Variants in ADAP1 observed in about 807,000 individuals in gnomAD.
ADAP1 encodes ArfGAP with dual PH domains 1, also known as arf-GAP with dual PH domain-containing protein 1.
In ADAP1, 31 loss-of-function variants were observed where a neutral mutation model predicts 54.9. The ratio of observed to expected loss-of-function variants is 0.56; its 90% CI spans 0.42 to 0.76. ADAP1 has a LOEUF of 0.76. ADAP1 is among the 30% of genes least tolerant of loss of function. ADAP1 has a pLI of 0.00. For synonymous variants in ADAP1, 313 were observed against 202.6 expected, an observed-to-expected ratio of 1.55 and a Z score of -4.63; for missense variants, 535 against 512.4, an observed-to-expected ratio of 1.04 and a Z score of -0.42.
At chr7:916,269 G>A (rs992431681) in intron 4 of ADAP1, among the ~76,000 whole-genome samples, 11 of 152,224 alleles carry the variant, frequency 7.2e-5, no homozygotes, top group African/African-American at 2.7e-4. Flanking sequence ...CGCAGAACTA[G>A]GAGATAGAGG....
chr7:904,156 A>G lies in ADAP1; in HGVS notation c.618T>C (p.Arg206=). The G allele has an allele frequency of 6.2e-7, 1 of 1,612,530 alleles. No individual in the cohort carries two copies. The highest frequency in any genetic ancestry group is 1.1e-5 in the South Asian group (1 of 91,078). ...QVTYLKDNST[R]NIFIYHEDGK... is the part of the protein sequence containing the mutation. ...CGTCCTCATGGTAGATGAAGATGTT[A>G]CGGGTGCTGTTGTCCTTCAGGTAGG... is the stretch of plus-strand genomic sequence containing the variant. The change falls in exon 6 of 11, where the codon CGT becomes CGC. Residue 206 remains arginine (R), a synonymous_variant. Transcript: ENST00000265846.
chr7:908,376 G>A (rs970843851), intron 4 of ADAP1, among the ~76,000 whole-genome samples: 1 of 152,188 alleles, frequency 6.6e-6, no homozygotes, highest in African/African-American at 2.4e-5. Context: ...GGGGACAGCT[G>A]GTGCCCTCGG....
chr7:918,912 GGAGTTGGGGACTGCTGGGGGGCA>G (rs11274115), intron 4 of ADAP1, among the ~76,000 whole-genome samples: 75,680 of 151,100 alleles, frequency 0.5, 20,290 homozygotes, highest in African/African-American at 0.69. Flanking sequence ...AGGAGAAGCA[GGAGTTGGGGACTGCTGGGGGGCA>G]GAGTTGGGGA....
rs1440752260 is a variant in ADAP1, at chr7:906,674, T to G, written c.389-1502A>C. 8.6e-3 allele frequency among the ~76,000 whole-genome samples: 517 copies of G among 60,404 alleles called. 22 individuals carry two copies. Among genetic ancestry groups the G allele is most frequent in the East Asian group, 0.022 (19 of 860 alleles). 39.6% of individuals were successfully genotyped at this position (60,404 alleles called of 152,430 possible). A position where few individuals can be genotyped will look rare whatever the true frequency, so the allele number is the denominator to read the frequency against. Reference sequence around the variant, plus strand: ...GAGAAAGGGGGCGGGAAAGGGGACATGGACAGGGGACACGGGGGACATGGA... The same window carrying G: ...GAGAAAGGGGGCGGGAAAGGGGACAGGGACAGGGGACACGGGGGACATGGA... On this transcript the variant is annotated intron_variant, in intron 4 of 10. Coordinates refer to ENST00000265846, the MANE Select transcript of ADAP1 (RefSeq NM_006869.4).
chr7:940,051 G>C (rs1185984601), intron 1 of ADAP1, among the ~76,000 whole-genome samples: 1 of 152,124 alleles, frequency 6.6e-6, no homozygotes, highest in Non-Finnish European at 1.5e-5. Flanking sequence ...TAAAGTTAGA[G>C]GTTGTCTGAT....
At chr7:903,010 G>A (rs1217580846) in intron 6 of ADAP1, among the ~76,000 whole-genome samples, 1 of 152,092 alleles carries the variant, frequency 6.6e-6, no homozygotes, top group Admixed American at 6.6e-5. Context: ...ATAAGTAAAC[G>A]AGAAAGACGT....
Position 899,384 on chromosome 7 carries a change from T to TGC in ADAP1, c.867+33_867+34dup, listed in dbSNP as rs1326876423. ...CATCTGGCAACCCCAGCCAGTGAGC[T>TGC]GCCCTCCCGTGCTGGGGCCACAGCT... is the stretch of plus-strand genomic sequence containing the variant. On this transcript the variant is annotated intron_variant, in intron 9 of 10. Transcript: ENST00000265846. 2.5e-6 allele frequency: 4 copies of TGC among 1,610,834 alleles called. No individual in the cohort carries two copies. In the African/African-American group the frequency reaches 5.3e-5, roughly 22 times the overall value.
chr7:914,281 C>G (rs981062991), intron 4 of ADAP1, among the ~76,000 whole-genome samples: 1 of 152,220 alleles, frequency 6.6e-6, no homozygotes, highest in Non-Finnish European at 1.5e-5. Flanking sequence ...TCCCAAGCCC[C>G]GAGCTTCCCC....
chr7:904,627 T>C (rs1415466658), intron 5 of ADAP1, among the ~76,000 whole-genome samples: 1 of 152,086 alleles, frequency 6.6e-6, no homozygotes, highest in Admixed American at 6.5e-5. Context: ...TCAGGGCGGG[T>C]GCTTCTGACC....
rs1405283827 is a variant in ADAP1 at position 919,946 on chromosome 7, C to T, written c.388+22G>A. 3.8e-6 allele frequency: 6 copies of T among 1,588,434 alleles called. No individual in the cohort carries two copies. The Admixed American group carries it at 5.1e-5, about 14-fold the overall frequency. Reference sequence around the variant, plus strand: ...CCAGGGAGAGGTAGCCGGGAGGCCCCACCCCACCCGGGTGGCCTCACCTGC... The same window carrying T: ...CCAGGGAGAGGTAGCCGGGAGGCCCTACCCCACCCGGGTGGCCTCACCTGC... On this transcript the variant is annotated intron_variant, in intron 4 of 10. Coordinates refer to ENST00000265846, the MANE Select transcript of ADAP1 (RefSeq NM_006869.4).
rs534840296 is a variant in ADAP1, at chr7:926,978, G to A, written c.214-334C>T. 7.9e-7 allele frequency: 1 copy of A among 1,268,038 alleles called. No individual in the cohort carries two copies. 78.5% of individuals were successfully genotyped at this position (1,268,038 alleles called of 1,614,324 possible). A position where few individuals can be genotyped will look rare whatever the true frequency, so the allele number is the denominator to read the frequency against. The stretch of plus-strand genomic sequence containing the variant: ...CCCACACCGGGTGTCCCGTGGGAGA[G>A]AGCTGGCTGCATCCTGTGACCCCCA... On this transcript the variant is annotated intron_variant, in intron 2 of 10. Transcript: ENST00000265846. The surrounding 1 kb of genome is among the most constrained non-coding windows in gnomAD (Gnocchi z 4.6).
intron 6 of ADAP1, among the ~76,000 whole-genome samples, chr7:902,325 G>A (rs2128634095): frequency 6.7e-6 from 1 of 150,316 alleles, no homozygotes; most frequent in Admixed American, 6.7e-5. Context: ...GGGTGTGGTG[G>A]CGCATGCCTG....
intron 4 of ADAP1, among the ~76,000 whole-genome samples, chr7:919,320 G>A (rs1209627873): frequency 6.6e-6 from 1 of 152,172 alleles, no homozygotes; most frequent in Non-Finnish European, 1.5e-5. Context: ...GAATGGAAGT[G>A]CGTGGCCACC....
chr7:905,292 C>CACG (rs1845070168), intron 4 of ADAP1, 120 bp from the exon 5 acceptor site: 1 of 276,096 alleles, frequency 3.6e-6, no homozygotes, highest in African/African-American at 6.3e-5. Context: ...GGACGGGGGA[C>CACG]ACGGACAGGG....
rs1037359504 is a variant in ADAP1, at chr7:946,149, G to A, written c.82+8247C>T. Among the ~76,000 whole-genome samples the A allele has an allele frequency of 1.3e-5, 2 of 152,254 alleles. No homozygotes were observed. The highest frequency in any genetic ancestry group is 1.9e-4 in the East Asian group (1 of 5,172). Reference sequence around the variant, plus strand: ...CATGGCTGTCCCCCAGGCACACAGCGCCCCACTCCACGCCGGGACCCAGGC... The same window carrying A: ...CATGGCTGTCCCCCAGGCACACAGCACCCCACTCCACGCCGGGACCCAGGC... On this transcript the variant is annotated intron_variant, in intron 1 of 10. Coordinates refer to ENST00000265846, the MANE Select transcript of ADAP1 (RefSeq NM_006869.4). The surrounding 1 kb of genome is among the most constrained non-coding windows in gnomAD (Gnocchi z 4.3).
intron 1 of ADAP1, among the ~76,000 whole-genome samples, chr7:943,047 GAC>G: frequency 4.7e-5 from 1 of 21,424 alleles, no homozygotes. Flanking sequence ...GGAAGGGAGA[GAC>G]GAGGAGGAAG....
Position 938,932 on chromosome 7 carries a change from G to T in ADAP1, c.83-3427C>A, listed in dbSNP as rs1846859657. Among the ~76,000 whole-genome samples the T allele has an allele frequency of 6.6e-6, 1 of 152,188 alleles. No individual in the cohort carries two copies. Among genetic ancestry groups the T allele is most frequent in the South Asian group, 2.1e-4 (1 of 4,830 alleles). On this transcript the variant is annotated intron_variant, in intron 1 of 10. Coordinates refer to ENST00000265846, the MANE Select transcript of ADAP1 (RefSeq NM_006869.4). The surrounding 1 kb of genome is among the most constrained non-coding windows in gnomAD (Gnocchi z 4.4). ...TCCCGCCCAGCCCAGGGTCCAGAAT[G>T]CCTGTGCCCACCTCCAACCTCACTC...
At chr7:904,917 GGCC>G in intron 5 of ADAP1, 140 bp downstream of exon 5, 1 of 723,210 alleles carries the variant, frequency 1.4e-6, no homozygotes, top group Non-Finnish European at 2.4e-6. Flanking sequence ...GCCCAACACA[GGCC>G]GGTTCTCCTG....
chr7:927,220 C>A, intron 2 of ADAP1: 1 of 1,271,920 alleles, frequency 7.9e-7, no homozygotes, highest in Non-Finnish European at 1.0e-6. Context: ...AAGGAAACGG[C>A]GCCGTGAAGG....
Sources: allele counts gnomAD v4.1 joint callset (sites outside exome capture counted in the v4.1 genomes callset), GRCh38; gene constraint gnomAD v4.1.1; non-coding constraint Gnocchi (gnomAD v3.1); transcripts MANE v1.5; gene names NCBI Gene and HGNC (gene_info 2026-07-23, HGNC 2026-07-21).